The following ZNF407 variants were observed in gnomAD, a reference collection of about 807,000 sequenced individuals.
ZNF407 encodes zinc finger protein 407.
ZNF407 carries 17 observed loss-of-function variants against 131.2 expected under a neutral mutation model. The ratio of observed to expected loss-of-function variants is 0.13; its 90% CI spans 0.09 to 0.19. The LOEUF (loss-of-function observed/expected upper bound fraction) is 0.19, where lower values mean the gene tolerates loss of function less well. Ranked by LOEUF, ZNF407 falls within the 10% of genes least tolerant of loss-of-function variation. The pLI is 1.00. For missense variants in ZNF407, 2,681 were observed against 2,830.6 expected, an observed-to-expected ratio of 0.95 and a Z score of 1.20; for synonymous variants, 1,156 against 1,062.0, an observed-to-expected ratio of 1.09 and a Z score of -1.72.
At position 74,781,520 on chromosome 18, in the gene ZNF407, T is replaced by C. The variant is rs1054235768; in HGVS notation, c.4877+18T>C. On this transcript the variant is annotated intron_variant, in intron 4 of 8. Coordinates refer to ENST00000299687, the MANE Select transcript of ZNF407 (RefSeq NM_017757.3). ...AAAGAAAGGTAATTTTCATTCTTTTTTTTTCATTTAAAAATACAATTTGAT... is the reference window on the plus strand; with the variant it reads ...AAAGAAAGGTAATTTTCATTCTTTTCTTTTCATTTAAAAATACAATTTGAT... 2.0e-6 allele frequency: 3 copies of C among 1,486,090 alleles called. No individual in the cohort carries two copies. Among genetic ancestry groups the C allele is most frequent in the Non-Finnish European group, 2.7e-6 (3 of 1,119,410 alleles). The allele number at this position is 1,486,090 out of a possible 1,614,324, so 92.1% of individuals were successfully genotyped here. A position where few individuals can be genotyped will look rare whatever the true frequency, so the allele number is the denominator to read the frequency against.
intron 7 of ZNF407, among the ~76,000 whole-genome samples, chr18:74,899,078 G>A (rs552527268): frequency 6.6e-6 from 1 of 152,206 alleles, no homozygotes; most frequent in Non-Finnish European, 1.5e-5. Context: ...AAGACAGCAG[G>A]AAGTCTGTGT....
intron 7 of ZNF407, chr18:74,905,610 A>G (rs1971585517): frequency 6.6e-6 from 1 of 152,252 alleles, no homozygotes; most frequent in Non-Finnish European, 1.5e-5. Flanking sequence ...GTGCTGTTTT[A>G]GAATCACTTT....
At chr18:74,779,314 C>G (rs919858055) in intron 3 of ZNF407, among the ~76,000 whole-genome samples, 67 of 151,396 alleles carry the variant, frequency 4.4e-4, no homozygotes, top group African/African-American at 1.5e-3. Flanking sequence ...CGGGGTTTCA[C>G]TGTGTTAGCC....
intron 8 of ZNF407, among the ~76,000 whole-genome samples, chr18:74,932,170 C>T (rs115059757): frequency 0.011 from 1,694 of 152,242 alleles, 30 homozygotes; most frequent in African/African-American, 0.038. Flanking sequence ...TTTTATTACA[C>T]TTTACATTTA....
chr18:75,039,386 C>G (rs902944466), intron 8 of ZNF407, among the ~76,000 whole-genome samples: 16 of 152,122 alleles, frequency 1.1e-4, no homozygotes, highest in Non-Finnish European at 2.1e-4. Flanking sequence ...GTGGATCCTT[C>G]AAAGGAAGAC....
At chr18:74,865,613 C>T (rs1270723795) in intron 4 of ZNF407, among the ~76,000 whole-genome samples, 1 of 152,044 alleles carries the variant, frequency 6.6e-6, no homozygotes, top group Non-Finnish European at 1.5e-5. Flanking sequence ...TTCCACATGG[C>T]CTTTTGTTGC....
intron 2 of ZNF407, among the ~76,000 whole-genome samples, chr18:74,638,097 G>A (rs1427267268): frequency 6.6e-6 from 1 of 152,192 alleles, no homozygotes; most frequent in East Asian, 1.9e-4. Flanking sequence ...GAAGCCATTC[G>A]TTTTATGTTT....
intron 7 of ZNF407, among the ~76,000 whole-genome samples, chr18:74,896,785 T>C (rs560907611): frequency 6.6e-6 from 1 of 152,300 alleles, no homozygotes; most frequent in South Asian, 2.1e-4. Flanking sequence ...ATAAAATGAA[T>C]GTCCTCTTAA....
intron 7 of ZNF407, among the ~76,000 whole-genome samples, chr18:74,904,315 CCTT>C (rs1348457349): frequency 3.9e-5 from 6 of 152,220 alleles, no homozygotes; most frequent in Admixed American, 3.9e-4. Flanking sequence ...TTTCTCTTCT[CCTT>C]CTTTATACCA....
intron 3 of ZNF407, among the ~76,000 whole-genome samples, chr18:74,753,001 C>A (rs1034833469): frequency 2.0e-5 from 3 of 152,158 alleles, no homozygotes; most frequent in Non-Finnish European, 4.4e-5. Context: ...TTCTTCCTAT[C>A]CATGAGCATG....
At chr18:74,808,708 A>ATT (rs140522793) in intron 4 of ZNF407, among the ~76,000 whole-genome samples, 2 of 151,882 alleles carry the variant, frequency 1.3e-5, no homozygotes, top group Non-Finnish European at 2.9e-5. Context: ...GATCAATTAC[A>ATT]TTTTTTTTAA....
chr18:74,809,121 G>C (rs897892811), intron 4 of ZNF407, among the ~76,000 whole-genome samples: 1 of 152,124 alleles, frequency 6.6e-6, no homozygotes. Flanking sequence ...CAAAACGTCA[G>C]GTAATCCCAC....
intron 8 of ZNF407, among the ~76,000 whole-genome samples, chr18:74,999,785 G>A (rs1972824259): frequency 6.6e-6 from 1 of 152,156 alleles, no homozygotes; most frequent in Non-Finnish European, 1.5e-5. Flanking sequence ...ATGTAGCCAA[G>A]ATGACTGCAT....
At chr18:74,934,913 CTA>C (rs1234817294) in intron 8 of ZNF407, among the ~76,000 whole-genome samples, 1 of 152,186 alleles carries the variant, frequency 6.6e-6, no homozygotes, top group African/African-American at 2.4e-5. Flanking sequence ...ATTAAGTACT[CTA>C]TGAGTATTTA....
chr18:74,727,995 G>A (rs911425560), intron 3 of ZNF407, among the ~76,000 whole-genome samples: 7 of 152,108 alleles, frequency 4.6e-5, no homozygotes, highest in African/African-American at 1.7e-4. Context: ...TGATGGAGGA[G>A]CGCCCTCTCC....
chr18:74,798,973 TA>T (rs978575356), intron 4 of ZNF407, among the ~76,000 whole-genome samples: 2 of 152,148 alleles, frequency 1.3e-5, no homozygotes, highest in African/African-American at 4.8e-5. Context: ...TTTTGTCTTA[TA>T]TTTTTAAATG....
intron 4 of ZNF407, chr18:74,803,988 C>T (rs771367636): frequency 2.4e-5 from 38 of 1,551,718 alleles, no homozygotes; most frequent in Middle Eastern, 1.7e-4. Context: ...ATCGAAAGAT[C>T]GGGACGTTGC....
intron 1 of ZNF407, among the ~76,000 whole-genome samples, chr18:74,624,572 G>A (rs7507105): frequency 0.48 from 73,047 of 151,972 alleles, 19,033 homozygotes; most frequent in African/African-American, 0.68. Context: ...GTCTTGAAAA[G>A]TTAATCTTCC....
chr18:74,950,663 C>A (rs1972203429), intron 8 of ZNF407, among the ~76,000 whole-genome samples: 1 of 152,230 alleles, frequency 6.6e-6, no homozygotes, highest in Non-Finnish European at 1.5e-5. Context: ...ATTGCCACTT[C>A]TGTAAATGAA....
Sources: allele counts gnomAD v4.1 joint callset (sites outside exome capture counted in the v4.1 genomes callset), GRCh38; gene constraint gnomAD v4.1.1; transcripts MANE v1.5; gene names NCBI Gene and HGNC (gene_info 2026-07-23, HGNC 2026-07-21).